Variants in SMYD3 observed in about 807,000 individuals in gnomAD.
SMYD3 encodes SET and MYND domain containing 3.
Under a neutral mutation model 57.7 loss-of-function variants are expected in SMYD3, and 36 were observed. That is an observed-to-expected ratio of 0.62 (90% confidence interval 0.48 to 0.82). SMYD3 has a LOEUF of 0.82. Ranked by LOEUF, SMYD3 falls within the 40% of genes least tolerant of loss-of-function variation. The probability of loss-of-function intolerance (pLI) is 0.00; values close to 1 mark genes in which losing one functional copy is unlikely to be tolerated. For synonymous variants in SMYD3, 211 were observed against 195.0 expected (o/e 1.08, Z -0.68); for missense variants, 515 against 538.8 (o/e 0.96, Z 0.44).
chr1:246,356,529 T>C (rs567061242), intron 1 of SMYD3, among the ~76,000 whole-genome samples: 156 of 152,214 alleles, frequency 1.0e-3, no homozygotes, highest in African/African-American at 3.7e-3. Context: ...AACTCCAACT[T>C]AAAGAAATCG....
At chr1:245,930,129 G>C in intron 5 of SMYD3, 192 bp from the exon 6 acceptor site, 1 of 621,476 alleles carries the variant, frequency 1.6e-6, no homozygotes, top group East Asian at 3.2e-5. Flanking sequence ...AAAAACATCA[G>C]GTGGTTAAGT....
intron 1 of SMYD3, among the ~76,000 whole-genome samples, chr1:246,504,223 G>A (rs1336556156): frequency 6.6e-6 from 1 of 152,136 alleles, no homozygotes; most frequent in Non-Finnish European, 1.5e-5. Flanking sequence ...CATTGTTTCT[G>A]GAGCCTAAGG....
chr1:245,937,169 C>T (rs1421807063), intron 5 of SMYD3, among the ~76,000 whole-genome samples: 6 of 152,154 alleles, frequency 3.9e-5, no homozygotes, highest in Non-Finnish European at 8.8e-5. Context: ...AATAAGTCTG[C>T]AGTGCACACT....
intron 5 of SMYD3, among the ~76,000 whole-genome samples, chr1:246,172,113 C>T (rs1162587349): frequency 2.0e-5 from 3 of 152,194 alleles, no homozygotes; most frequent in Admixed American, 6.5e-5. Context: ...CGTGAATGAG[C>T]GAGTGGCAGG....
chr1:246,010,159 GA>G (rs2059256987), intron 5 of SMYD3, among the ~76,000 whole-genome samples: 1 of 151,124 alleles, frequency 6.6e-6, no homozygotes, highest in African/African-American at 2.4e-5. Flanking sequence ...CATAACAGTA[GA>G]AATTGTGTTT....
At chr1:246,326,280 A>G in intron 5 of SMYD3, 1 of 571,990 alleles carries the variant, frequency 1.7e-6, no homozygotes. Context: ...CATTAAAACA[A>G]ATGCAAACAC....
At chr1:245,818,879 C>T (rs1379292705) in intron 10 of SMYD3, among the ~76,000 whole-genome samples, 3 of 143,458 alleles carry the variant, frequency 2.1e-5, no homozygotes. Context: ...TACAGGAGCA[C>T]CCAGATTCAT....
chr1:246,049,382 T>C (rs12145065), intron 5 of SMYD3, among the ~76,000 whole-genome samples: 54,832 of 151,668 alleles, frequency 0.36, 13,066 homozygotes, highest in African/African-American at 0.65. Context: ...CTGCAAGCTC[T>C]GCCTCCCGGG....
chr1:246,058,664 G>T (rs2060197259), intron 5 of SMYD3, among the ~76,000 whole-genome samples: 1 of 152,128 alleles, frequency 6.6e-6, no homozygotes, highest in Non-Finnish European at 1.5e-5. Flanking sequence ...AAGTATAACA[G>T]CTGGCAGTCT....
intron 8 of SMYD3, among the ~76,000 whole-genome samples, chr1:245,902,332 G>A (rs1348853015): frequency 2.6e-5 from 4 of 152,110 alleles, no homozygotes; most frequent in African/African-American, 9.7e-5. Flanking sequence ...CACCTACAGC[G>A]ATGCCACCCC....
intron 5 of SMYD3, among the ~76,000 whole-genome samples, chr1:246,297,431 G>T (rs1247981501): frequency 6.6e-6 from 1 of 152,140 alleles, no homozygotes; most frequent in African/African-American, 2.4e-5. Context: ...GCAGCAGCTA[G>T]CCTACAATGG....
chr1:245,765,078 A>AAAAAC (rs1553315999), intron 10 of SMYD3, among the ~76,000 whole-genome samples: 1 of 139,534 alleles, frequency 7.2e-6, no homozygotes, highest in African/African-American at 2.8e-5. Flanking sequence ...ACACACACAC[A>AAAAAC]AAACCACAGT....
At chr1:246,066,703 C>G (rs1160193923) in intron 5 of SMYD3, among the ~76,000 whole-genome samples, 1 of 152,176 alleles carries the variant, frequency 6.6e-6, no homozygotes, top group Non-Finnish European at 1.5e-5. Flanking sequence ...CTTTTGTAAT[C>G]TGCTCCTTGT....
At chr1:245,873,904 A>C (rs1279355266) in intron 8 of SMYD3, among the ~76,000 whole-genome samples, 1 of 152,184 alleles carries the variant, frequency 6.6e-6, no homozygotes, top group Non-Finnish European at 1.5e-5. Flanking sequence ...CCTAGAGTCT[A>C]ACAGTGCCTC....
intron 9 of SMYD3, among the ~76,000 whole-genome samples, chr1:245,862,972 T>C (rs1307215742): frequency 6.6e-6 from 1 of 152,194 alleles, no homozygotes; most frequent in Non-Finnish European, 1.5e-5. Flanking sequence ...AACCTCCCTC[T>C]ACCTCCTTCT....
intron 5 of SMYD3, among the ~76,000 whole-genome samples, chr1:245,969,017 TAA>T (rs1459819780): frequency 6.6e-6 from 1 of 152,202 alleles, no homozygotes; most frequent in Admixed American, 6.5e-5. Context: ...AGGCAACCTC[TAA>T]AAAGTATGTA....
At chr1:246,128,764 C>T (rs2061543973) in intron 5 of SMYD3, among the ~76,000 whole-genome samples, 1 of 151,960 alleles carries the variant, frequency 6.6e-6, no homozygotes, top group African/African-American at 2.4e-5. Context: ...GATTAGTCAG[C>T]TCCATTGTGC....
intron 10 of SMYD3, among the ~76,000 whole-genome samples, chr1:245,848,298 T>C (rs1028337843): frequency 5.3e-5 from 8 of 152,014 alleles, no homozygotes; most frequent in African/African-American, 1.9e-4. Context: ...TGTGTGTATT[T>C]CTTGGTAGAG....
intron 5 of SMYD3, among the ~76,000 whole-genome samples, chr1:246,115,578 C>T (rs895985363): frequency 5.9e-5 from 9 of 152,198 alleles, no homozygotes; most frequent in African/African-American, 2.2e-4. Flanking sequence ...AGTCAAAAGT[C>T]GCAGCTTCAA....
Sources: allele counts gnomAD v4.1 joint callset (sites outside exome capture counted in the v4.1 genomes callset), GRCh38; gene constraint gnomAD v4.1.1; transcripts MANE v1.5; gene names NCBI Gene and HGNC (gene_info 2026-07-23, HGNC 2026-07-21).